ZFHX3: variants seen among roughly 807,000 people sequenced by gnomAD.
ZFHX3 encodes zinc finger homeobox 3, also known as zinc finger homeobox protein 3.
Under a neutral mutation model 279.1 loss-of-function variants are expected in ZFHX3, and 42 were observed. That is an observed-to-expected ratio of 0.15 (90% CI 0.12 to 0.19). ZFHX3 has a LOEUF of 0.19. Among genes scored for constraint, ZFHX3 ranks in the 10% least tolerant of loss-of-function variants. The pLI is 1.00. For missense variants in ZFHX3, 4,981 were observed against 4,754.0 expected (o/e 1.05, Z -1.40); for synonymous variants, 2,293 against 1,957.8 (o/e 1.17, Z -4.52).
At chr16:73,360,322 GTT>G (rs2016415023) in intron 3 of ZFHX3, among the ~76,000 whole-genome samples, 1 of 152,136 alleles carries the variant, frequency 6.6e-6, no homozygotes, top group South Asian at 2.1e-4. Flanking sequence ...GCCGAGATTT[GTT>G]TTGTTTCGTT....
In ZFHX3 at chr16:73,766,685, A is replaced by G. The variant is rs553061849; in HGVS notation, c.-1607-86445T>C. Among the ~76,000 whole-genome samples the G allele has an allele frequency of 3.9e-5, 6 of 152,304 alleles. No homozygotes were observed. The South Asian group carries it at 1.0e-3, about 26-fold the overall frequency. On this transcript the variant is annotated intron_variant, in intron 1 of 17. Transcript: ENST00000641206. Reference sequence around the variant, plus strand: ...GCATAAGAAGGTGAGTGGAAACATAACAGTCAGTCCAGCTGTTTAAAGCAC... The same window carrying G: ...GCATAAGAAGGTGAGTGGAAACATAGCAGTCAGTCCAGCTGTTTAAAGCAC...
At chr16:73,206,557 C>T (rs1430249138) in intron 5 of ZFHX3, among the ~76,000 whole-genome samples, 1 of 152,198 alleles carries the variant, frequency 6.6e-6, no homozygotes, top group African/African-American at 2.4e-5. Context: ...AATATTTTCT[C>T]ATTCAGAGAT....
At chr16:73,335,487 A>C (rs751420681) in intron 3 of ZFHX3, among the ~76,000 whole-genome samples, 7 of 152,220 alleles carry the variant, frequency 4.6e-5, no homozygotes, top group Non-Finnish European at 8.8e-5. Context: ...TGATATATTT[A>C]AGGCACTGAT....
At chr16:73,058,568 G>A in exon 1 of ZFHX3, 1 of 229,546 alleles carries the variant, frequency 4.4e-6, no homozygotes, top group Non-Finnish European at 8.3e-6. Flanking sequence ...CAGCGGCGCT[G>A]CTGGCGACGG....
intron 3 of ZFHX3, among the ~76,000 whole-genome samples, chr16:73,422,325 C>A (rs1052502399): frequency 4.6e-5 from 7 of 151,954 alleles, no homozygotes; most frequent in Non-Finnish European, 7.3e-5. Flanking sequence ...GACAACAGAG[C>A]TTTGGAGGTT....
chr16:73,113,560 T>G (rs988137540), intron 7 of ZFHX3, among the ~76,000 whole-genome samples: 2 of 152,108 alleles, frequency 1.3e-5, no homozygotes, highest in Non-Finnish European at 2.9e-5. Context: ...AAGAATCCCA[T>G]GGGCTATAAT....
At position 73,387,706 on chromosome 16, in the gene ZFHX3, T is replaced by C. The variant is rs1311590051; in HGVS notation, c.-1291+68297A>G. The stretch of plus-strand genomic sequence containing the variant: ...AGATGTGCCTCAAGAGGGCTGGCAG[T>C]ACTTTTAAGAACTGGTAATAATTTA... On this transcript the variant is annotated intron_variant, in intron 3 of 17. Transcript: ENST00000641206. Among the ~76,000 whole-genome samples, 7 of 152,198 alleles carry C rather than the reference T, an allele frequency of 4.6e-5. No homozygotes were observed. The East Asian group carries it at 1.4e-3, about 30-fold the overall frequency.
chr16:73,462,004 G>A (rs578119035), intron 2 of ZFHX3, among the ~76,000 whole-genome samples: 1 of 152,274 alleles, frequency 6.6e-6, no homozygotes, highest in Admixed American at 6.5e-5. Flanking sequence ...AACATTGAAT[G>A]TCTCTCCATT....
At chr16:73,229,406 A>G (rs2012701903) in intron 5 of ZFHX3, among the ~76,000 whole-genome samples, 1 of 152,206 alleles carries the variant, frequency 6.6e-6, no homozygotes, top group South Asian at 2.1e-4. Context: ...GAAAATAACT[A>G]TCTATTTTTA....
chr16:73,832,527 G>T (rs956777857), intron 1 of ZFHX3, among the ~76,000 whole-genome samples: 6 of 152,080 alleles, frequency 3.9e-5, no homozygotes, highest in Admixed American at 2.6e-4. Flanking sequence ...AAGCAAGATA[G>T]GCCCTTTTTA....
chr16:72,960,039 G>A lies in ZFHX3; in HGVS notation c.107C>T (p.Pro36Leu), dbSNP rs1167713053. 2.5e-6 allele frequency: 4 copies of A among 1,613,938 alleles called. No individual in the cohort carries two copies. Among genetic ancestry groups the A allele is most frequent in the Non-Finnish European group, 3.4e-6 (4 of 1,179,970 alleles). The stretch of plus-strand genomic sequence containing the variant: ...GCCTGTGGACTGCTCCATGCTACTG[G>A]GTTTGTCAGGGAGGTGGGTGCTGTT... ...ELNSTHLPDK[P>L]SSMEQSTGES... The change falls in exon 2 of 10, where the codon CCC (proline) becomes CTC (leucine). Residue 36 changes from proline to leucine, a missense_variant. This residue lies in a region of ZFHX3 where 1,068 missense variants were observed against 935.2 expected (regional missense o/e 1.14). Coordinates refer to ENST00000268489, the MANE Select transcript of ZFHX3 (RefSeq NM_006885.4).
At chr16:72,837,476 T>A (rs1338304701) in intron 4 of ZFHX3, among the ~76,000 whole-genome samples, 1 of 138,244 alleles carries the variant, frequency 7.2e-6, no homozygotes, top group Non-Finnish European at 1.5e-5. Flanking sequence ...CAATGATGAT[T>A]TTTTTTTTTT....
At chr16:72,924,616 G>C (rs747666595) in intron 3 of ZFHX3, among the ~76,000 whole-genome samples, 1 of 152,146 alleles carries the variant, frequency 6.6e-6, no homozygotes, top group Non-Finnish European at 1.5e-5. Context: ...GGCCGCGGCT[G>C]GGTGCGCAGA....
At chr16:73,252,321 G>A (rs965800320) in intron 5 of ZFHX3, among the ~76,000 whole-genome samples, 18 of 152,338 alleles carry the variant, frequency 1.2e-4, no homozygotes, top group Non-Finnish European at 2.5e-4. Context: ...GGAATGTGCA[G>A]GGCAGGCATT....
At chr16:73,639,292 AT>A (rs369364773) in intron 2 of ZFHX3, among the ~76,000 whole-genome samples, 4 of 151,976 alleles carry the variant, frequency 2.6e-5, no homozygotes, top group Admixed American at 6.6e-5. Flanking sequence ...GCACTGGAGT[AT>A]TTTTTTTCCT....
At chr16:73,247,125 T>C (rs979209597) in intron 5 of ZFHX3, among the ~76,000 whole-genome samples, 1 of 152,098 alleles carries the variant, frequency 6.6e-6, no homozygotes, top group African/African-American at 2.4e-5. Flanking sequence ...TATGTGCCTG[T>C]ATGTGGAGTG....
chr16:73,449,352 C>T (rs559526469), intron 3 of ZFHX3, among the ~76,000 whole-genome samples: 6 of 152,212 alleles, frequency 3.9e-5, no homozygotes, highest in South Asian at 2.1e-4. Context: ...GAGCATCTAA[C>T]GATCTTCTAA....
chr16:73,058,595 T>G, exon 1 of ZFHX3: 1 of 217,638 alleles, frequency 4.6e-6, no homozygotes, highest in Non-Finnish European at 8.6e-6. Flanking sequence ...CGGCGGGAGC[T>G]GGCGGCGCTT....
At chr16:72,863,459 A>G (rs576422797) in intron 4 of ZFHX3, among the ~76,000 whole-genome samples, 21 of 151,958 alleles carry the variant, frequency 1.4e-4, no homozygotes, top group South Asian at 6.2e-4. Context: ...TCAAGGCTGT[A>G]AAGAGCTATG....
Sources: gnomAD v4.1 joint callset for allele counts (sites outside exome capture counted in the v4.1 genomes callset) on GRCh38, gnomAD v4.1.1 for gene constraint, gnomAD v4.1.1 regional missense constraint, MANE v1.5 for transcripts, NCBI Gene and HGNC (gene_info 2026-07-23, HGNC 2026-07-21) for gene names.